Variants in GABRA3 observed in about 807,000 individuals in gnomAD.
GABRA3 encodes gamma-aminobutyric acid type A receptor subunit alpha3.
In GABRA3, 10 loss-of-function variants were observed where a neutral mutation model predicts 30.1. The observed-to-expected ratio is 0.33, with a 90% CI of 0.20 to 0.56. The LOEUF (loss-of-function observed/expected upper bound fraction) is 0.56. Ranked by LOEUF, GABRA3 falls within the 20% of genes least tolerant of loss-of-function variation. GABRA3 has a pLI of 0.89. For missense variants in GABRA3, 233 were observed against 392.0 expected (o/e 0.59, Z 3.42); for synonymous variants, 151 against 146.8 (o/e 1.03, Z -0.21).
At chrX:152,340,791 G>T (rs1940302775) in intron 3 of GABRA3, among the ~76,000 whole-genome samples, 1 of 111,571 alleles carries the variant, frequency 9.0e-6, no homozygotes, top group African/African-American at 3.3e-5. Flanking sequence ...TTCTCTTGGT[G>T]TAATTTTCTT....
intron 6 of GABRA3, among the ~76,000 whole-genome samples, chrX:152,221,844 C>T (rs1341257990): frequency 9.0e-6 from 1 of 111,661 alleles, no homozygotes; most frequent in African/African-American, 3.3e-5. Context: ...GATTAGTACC[C>T]ATTAGTTATT....
intron 5 of GABRA3, among the ~76,000 whole-genome samples, chrX:152,243,745 T>G (rs1433659787): frequency 1.8e-5 from 2 of 111,766 alleles, no homozygotes; most frequent in African/African-American, 6.5e-5. Flanking sequence ...AGGCAGAAGG[T>G]ATATGTATCA....
chrX:152,335,756 C>G (rs1278395933), intron 3 of GABRA3, among the ~76,000 whole-genome samples: 1 of 111,296 alleles, frequency 9.0e-6, no homozygotes, highest in African/African-American at 3.3e-5. Context: ...GAGTCTCTTT[C>G]TGTTTACCCA....
At chrX:152,232,086 C>T (rs1179925475) in intron 5 of GABRA3, among the ~76,000 whole-genome samples, 4 of 111,137 alleles carry the variant, frequency 3.6e-5, no homozygotes, top group Non-Finnish European at 7.6e-5. Context: ...TACAGTTGCA[C>T]AATTCTATAA....
At chrX:152,215,050 A>T (rs1370088434) in intron 6 of GABRA3, among the ~76,000 whole-genome samples, 4 of 104,916 alleles carry the variant, frequency 3.8e-5, no homozygotes, top group Non-Finnish European at 5.8e-5. Context: ...ATATATATAT[A>T]TATATTTTTT....
chrX:152,290,441 A>C (rs1939387380), intron 3 of GABRA3, among the ~76,000 whole-genome samples: 1 of 111,326 alleles, frequency 9.0e-6, no homozygotes, highest in South Asian at 3.8e-4. Flanking sequence ...AGATTGCAAA[A>C]ATTTTCTCCC....
intron 4 of GABRA3, among the ~76,000 whole-genome samples, chrX:152,274,530 G>T (rs1246265903): frequency 9.0e-6 from 1 of 110,935 alleles, no homozygotes; most frequent in Non-Finnish European, 1.9e-5. Context: ...TTTATAGTTG[G>T]AAATTGAAAA....
At chrX:152,405,237 G>A (rs772760406) in intron 1 of GABRA3, among the ~76,000 whole-genome samples, 3 of 100,939 alleles carry the variant, frequency 3.0e-5, no homozygotes. Flanking sequence ...CATAATACAA[G>A]GCAGAATTCT....
intron 5 of GABRA3, among the ~76,000 whole-genome samples, chrX:152,230,355 C>T (rs1463661344): frequency 1.8e-5 from 2 of 111,496 alleles, no homozygotes; most frequent in Non-Finnish European, 3.8e-5. Flanking sequence ...TTCAGACTTT[C>T]CGTGTTCACA....
At chrX:152,273,077 A>G (rs1432801097) in intron 4 of GABRA3, among the ~76,000 whole-genome samples, 1 of 112,094 alleles carries the variant, frequency 8.9e-6, no homozygotes, top group African/African-American at 3.2e-5. Flanking sequence ...CGCTCAAACA[A>G]CTCAATAGAA....
intron 1 of GABRA3, among the ~76,000 whole-genome samples, chrX:152,383,909 C>T (rs1272734276): frequency 4.9e-5 from 5 of 102,198 alleles, no homozygotes; most frequent in Non-Finnish European, 7.9e-5. Context: ...AAGGAAGAGG[C>T]GAAATTGTCT....
intron 1 of GABRA3, among the ~76,000 whole-genome samples, chrX:152,440,439 A>G (rs967133869): frequency 1.8e-5 from 2 of 112,401 alleles, no homozygotes; most frequent in Admixed American, 9.4e-5. Context: ...AATTACTTCA[A>G]CCATTGTGGA....
intron 1 of GABRA3, among the ~76,000 whole-genome samples, chrX:152,373,312 G>A (rs1928893754): frequency 9.0e-6 from 1 of 111,151 alleles, no homozygotes; most frequent in African/African-American, 3.3e-5. Context: ...AGGCCCCAGT[G>A]TATATTGTTC....
At chrX:152,347,900 G>A (rs1318466314) in intron 2 of GABRA3, among the ~76,000 whole-genome samples, 1 of 111,876 alleles carries the variant, frequency 8.9e-6, no homozygotes, top group African/African-American at 3.2e-5. Flanking sequence ...ATTTACTGGG[G>A]AGGCTGAGGT....
At chrX:152,388,419 A>G (rs1426250187) in intron 1 of GABRA3, among the ~76,000 whole-genome samples, 1 of 111,858 alleles carries the variant, frequency 8.9e-6, no homozygotes, top group Non-Finnish European at 1.9e-5. Context: ...TTAGTGGTCC[A>G]TAATAATAAT....
chrX:152,187,810 T>G (rs1292310493), intron 9 of GABRA3, among the ~76,000 whole-genome samples: 1 of 112,173 alleles, frequency 8.9e-6, no homozygotes, highest in African/African-American at 3.2e-5. Flanking sequence ...TAATGCAACT[T>G]CAAGTAAGAA....
intron 3 of GABRA3, among the ~76,000 whole-genome samples, chrX:152,326,338 C>T (rs922780391): frequency 9.0e-6 from 1 of 111,156 alleles, no homozygotes; most frequent in Non-Finnish European, 1.9e-5. Flanking sequence ...CATTCAAATT[C>T]GGGAAATACA....
chrX:152,272,730 G>T (rs1048284746), intron 4 of GABRA3, among the ~76,000 whole-genome samples: 5 of 111,560 alleles, frequency 4.5e-5, no homozygotes, highest in Non-Finnish European at 9.4e-5. Flanking sequence ...CACGTGTGGT[G>T]GGAGGGAACT....
chrX:152,290,230 T>C (rs539697350), intron 3 of GABRA3, among the ~76,000 whole-genome samples: 1 of 112,206 alleles, frequency 8.9e-6, no homozygotes, highest in Admixed American at 9.5e-5. Context: ...TGGTACCCCA[T>C]TGTGGTTTTG....
Sources: allele counts gnomAD v4.1 joint callset (sites outside exome capture counted in the v4.1 genomes callset), GRCh38; gene constraint gnomAD v4.1.1; transcripts MANE v1.5; gene names NCBI Gene and HGNC (gene_info 2026-07-23, HGNC 2026-07-21).